Variants in ALPG observed in about 807,000 individuals in gnomAD.
ALPG encodes alkaline phosphatase, germ cell.
In ALPG, 32 loss-of-function variants were observed where a neutral mutation model predicts 48.6. The observed-to-expected ratio is 0.66, with a 90% CI of 0.50 to 0.88. ALPG has a LOEUF of 0.88. Ranked by LOEUF, ALPG falls within the 40% of genes least tolerant of loss-of-function variation. The pLI is 0.00. For synonymous variants in ALPG, 244 were observed against 308.9 expected (o/e 0.79, Z 2.20); for missense variants, 533 against 718.1 (o/e 0.74, Z 2.95).
intron 1 of ALPG, 34 bp downstream of exon 1, chr2:232,406,995 CA>C: frequency 6.2e-7 from 1 of 1,605,022 alleles, no homozygotes; most frequent in Non-Finnish European, 8.5e-7. Context: ...CCTACACACA[CA>C]CACACACACA....
At position 232,407,835 on chromosome 2, in the gene ALPG, T is replaced by A. The variant is rs934677799; in HGVS notation, c.476-10T>A. On this transcript the variant is annotated splice_polypyrimidine_tract_variant and intron_variant, in intron 4 of 10. Coordinates refer to ENST00000295453, the MANE Select transcript of ALPG (RefSeq NM_031313.3). ...CCTCTATCGCATATCCTGACCTCTA[T>A]CACCCTCAGGAAAGTCAGTGGGAGT... The A allele has an allele frequency of 3.7e-6, 6 of 1,613,508 alleles. No homozygotes were observed. In the Admixed American group the frequency reaches 6.7e-5, roughly 18 times the overall value.
At position 232,407,348 on chromosome 2, in the gene ALPG, G is replaced by C; in HGVS notation, c.247G>C (p.Gly83Arg). 3.7e-6 allele frequency: 6 copies of C among 1,613,854 alleles called. 1 individual carries two copies. Among genetic ancestry groups the C allele is most frequent in the Non-Finnish European group, 5.1e-6 (6 of 1,179,984 alleles). ...ILKGQKKDKL[G>R]PETFLAMDRF... ...AAAAGGGCAGAAGAAGGACAAACTG[G>C]GGCCTGAGACCTTCCTGGCCATGGA... Residue 83 changes from glycine (G) to arginine (R), a missense_variant, in exon 3 of 11, where the codon GGG becomes CGG. This residue lies in a region of ALPG where 315 missense variants were observed against 305.8 expected (regional missense o/e 1.03). Coordinates refer to ENST00000295453, the MANE Select transcript of ALPG (RefSeq NM_031313.3).
In ALPG at chr2:232,409,404, T is replaced by C; in HGVS notation, c.1256T>C (p.Val419Ala). Residue 419 changes from valine (V) to alanine (A), a missense_variant, in exon 10 of 11, where the codon GTG becomes GCG. Val to Ala is a moderately conservative substitution (Grantham distance 64). Coordinates refer to ENST00000295453, the MANE Select transcript of ALPG (RefSeq NM_031313.3). ...CTATACGGAAACGGTCCAGGCTATG[T>C]GCTCAAGGACGGCGCCCGGCCGGAT... ...VLLYGNGPGY[V>A]LKDGARPDVT... The C allele has an allele frequency of 6.4e-7, 1 of 1,571,430 alleles. No individual in the cohort carries two copies. The highest frequency in any genetic ancestry group is 1.4e-5 in the African/African-American group (1 of 72,576).
chr2:232,409,677 T>G lies in ALPG; in HGVS notation c.1404T>G (p.Val468=). 1.9e-6 allele frequency: 3 copies of G among 1,611,604 alleles called. No individual in the cohort carries two copies. The highest frequency in any genetic ancestry group is 2.5e-6 in the Non-Finnish European group (3 of 1,179,238). ...VFARGPQAHL[V]HGVQEQTFIA... ...CGCGCGGCCCGCAGGCGCACCTGGTTCACGGCGTGCAGGAGCAGACCTTCA... is the reference window on the plus strand; with the variant it reads ...CGCGCGGCCCGCAGGCGCACCTGGTGCACGGCGTGCAGGAGCAGACCTTCA... Residue 468 remains valine, a synonymous_variant, in exon 11 of 11, where the codon GTT becomes GTG. Coordinates refer to ENST00000295453, the MANE Select transcript of ALPG (RefSeq NM_031313.3).
rs370431153 is a variant in ALPG at position 232,408,522 on chromosome 2, C to T, written c.805C>T (p.Arg269Cys). The stretch of plus-strand genomic sequence containing the variant: ...GCAGGGTGCCCGGTACGTGTGGAAC[C>T]GCACTGAGCTCCTGCAGGCTTCCCT... ...KHQGARYVWN[R>C]TELLQASLDP... The change falls in exon 7 of 11, where the codon CGC becomes TGC. Residue 269 changes from arginine (R) to cysteine (C), a missense_variant. Physicochemically the swap from Arg to Cys is radical, Grantham distance 180. This residue lies in a region of ALPG where 40 missense variants were observed against 74.5 expected (regional missense o/e 0.54). Coordinates refer to ENST00000295453, the MANE Select transcript of ALPG (RefSeq NM_031313.3). 37 of 1,573,322 alleles carry T rather than the reference C, an allele frequency of 2.4e-5. No individual in the cohort carries two copies. Among genetic ancestry groups the T allele is most frequent in the Middle Eastern group, 1.7e-4 (1 of 5,756 alleles).
At position 232,410,230 on chromosome 2, in the gene ALPG, C is replaced by T. The variant is rs1697165139; in HGVS notation, c.*358C>T. 1 of 333,646 alleles carries T rather than the reference C, an allele frequency of 3.0e-6. No individual in the cohort carries two copies. Among genetic ancestry groups the T allele is most frequent in the South Asian group, 5.1e-5 (1 of 19,424 alleles). 20.7% of individuals were successfully genotyped at this position (333,646 alleles called of 1,614,324 possible). A position where few individuals can be genotyped will look rare whatever the true frequency, so the allele number is the denominator to read the frequency against. On this transcript the variant is annotated 3_prime_UTR_variant, in exon 11 of 11. Transcript: ENST00000295453. ...CATGAGGCACCCATACCTAGGACCC[C>T]CTGCGCCTTTTTTAGCTTCAGTCAT...
rs143929583 is a variant in ALPG at position 232,410,162 on chromosome 2, G to A, written c.*290G>A. 8.8e-4 allele frequency: 478 copies of A among 544,126 alleles called. 1 individual carries two copies. In the East Asian group the frequency reaches 0.013, roughly 14 times the overall value. The allele number at this position is 544,126 out of a possible 1,614,324, so 33.7% of individuals were successfully genotyped here. On this transcript the variant is annotated 3_prime_UTR_variant, in exon 11 of 11. Transcript: ENST00000295453. ...AGGAGGCTCAGACCATCCAGCCCCC[G>A]CCCATATCCTGAGGTGGATCAGGCA...
chr2:232,407,502 A>G (rs1230782186), intron 3 of ALPG, 92 bp from the exon 4 acceptor site: 9 of 1,592,506 alleles, frequency 5.7e-6, no homozygotes, highest in Non-Finnish European at 6.8e-6. Flanking sequence ...GGGCTCCAAT[A>G]AGGAGCTGGA....
chr2:232,410,129 AG>A lies in ALPG; in HGVS notation c.*259del, dbSNP rs1697163316. 14 of 605,920 alleles carry A rather than the reference AG, an allele frequency of 2.3e-5. No individual in the cohort carries two copies. The South Asian group carries it at 2.7e-4, about 12-fold the overall frequency. 37.5% of individuals were successfully genotyped at this position (605,920 alleles called of 1,614,324 possible). A position where few individuals can be genotyped will look rare whatever the true frequency, so the allele number is the denominator to read the frequency against. ...TGTGCCTGGCAGCTGCCTGCATTTC[AG>A]GAAAAGAGGAGGCTCAGACCATCCA... On this transcript the variant is annotated 3_prime_UTR_variant, in exon 11 of 11. Coordinates refer to ENST00000295453, the MANE Select transcript of ALPG (RefSeq NM_031313.3).
rs1355430906 is a variant in ALPG at position 232,406,859 on chromosome 2, G to A, written c.-36G>A. 2 of 1,594,556 alleles carry A rather than the reference G, an allele frequency of 1.3e-6. No individual in the cohort carries two copies. Among genetic ancestry groups the A allele is most frequent in the Non-Finnish European group, 1.7e-6 (2 of 1,171,534 alleles). ...AGTGCAGCTCATACTCCATACCTGG[G>A]ATTTCCGCCTCGCCGCTCTCCGACT... On this transcript the variant is annotated 5_prime_UTR_variant, in exon 1 of 11. Coordinates refer to ENST00000295453, the MANE Select transcript of ALPG (RefSeq NM_031313.3).
chr2:232,409,489 C>A, intron 10 of ALPG, 41 bp downstream of exon 10: 1 of 1,604,186 alleles, frequency 6.2e-7, no homozygotes, highest in Non-Finnish European at 8.5e-7. Flanking sequence ...GACCAGGGTG[C>A]CAAGGATGGG....
chr2:232,410,156 G>GCC lies in ALPG; in HGVS notation c.*288_*289dup. The GCC allele has an allele frequency of 1.8e-6, 1 of 556,366 alleles. No individual in the cohort carries two copies. The highest frequency in any genetic ancestry group is 3.1e-5 in the East Asian group (1 of 31,860). 34.5% of individuals were successfully genotyped at this position (556,366 alleles called of 1,614,324 possible). On this transcript the variant is annotated 3_prime_UTR_variant, in exon 11 of 11. Coordinates refer to ENST00000295453, the MANE Select transcript of ALPG (RefSeq NM_031313.3). ...GAAAAGAGGAGGCTCAGACCATCCA[G>GCC]CCCCCGCCCATATCCTGAGGTGGAT... is the stretch of plus-strand genomic sequence containing the variant.
intron 4 of ALPG, 29 bp downstream of exon 4, chr2:232,407,797 GC>G: frequency 1.2e-6 from 2 of 1,613,756 alleles, no homozygotes; most frequent in Non-Finnish European, 1.7e-6. Flanking sequence ...TGGGGTCAGG[GC>G]CAGGTGACAG....
In ALPG at chr2:232,409,603, G is replaced by T. The variant is rs1211902210; in HGVS notation, c.1330G>T (p.Val444Leu). The T allele has an allele frequency of 6.2e-7, 1 of 1,612,812 alleles. No homozygotes were observed. The highest frequency in any genetic ancestry group is 1.1e-5 in the South Asian group (1 of 90,966). The change falls in exon 11 of 11, where the codon GTG becomes TTG. Residue 444 changes from valine (V) to leucine (L), a missense_variant. Physicochemically the swap from Val to Leu is conservative, Grantham distance 32. Around this residue, in one of 6 missense-constraint regions of ALPG, gnomAD observed 145 missense variants for 174.3 expected, o/e 0.83. Transcript: ENST00000295453. ...GSPEYRQQSA[V>L]PLDGETHAGE... Reference sequence around the variant, plus strand: ...CCCCGAGTATCGGCAGCAGTCAGCAGTGCCCCTGGACGGAGAGACCCACGC... The same window carrying T: ...CCCCGAGTATCGGCAGCAGTCAGCATTGCCCCTGGACGGAGAGACCCACGC...
In ALPG at chr2:232,409,564, C is replaced by T. The variant is rs777363157; in HGVS notation, c.1301-10C>T. 9 of 1,612,642 alleles carry T rather than the reference C, an allele frequency of 5.6e-6. No individual in the cohort carries two copies. Among genetic ancestry groups the T allele is most frequent in the Non-Finnish European group, 5.1e-6 (6 of 1,179,478 alleles). On this transcript the variant is annotated splice_polypyrimidine_tract_variant and intron_variant, in intron 10 of 10. Transcript: ENST00000295453. ...TGAAACTTCCTACTGAAACTGAACCCTCCAACCAGGGAGCCCCGAGTATCG... is the reference window on the plus strand; with the variant it reads ...TGAAACTTCCTACTGAAACTGAACCTTCCAACCAGGGAGCCCCGAGTATCG...
Position 232,407,716 on chromosome 2 carries a change from C to A in ALPG, c.423C>A (p.Asn141Lys). The A allele has an allele frequency of 6.2e-7, 1 of 1,613,784 alleles. No individual in the cohort carries two copies. The highest frequency in any genetic ancestry group is 8.5e-7 in the Non-Finnish European group (1 of 1,180,002). ...CAGCCGCCCGCTTTAACCAGTGCAA[C>A]ACGACACGCGGCAACGAGGTCATCT... Reference protein sequence around the residue: ...LSAAARFNQCNTTRGNEVISV... With the variant: ...LSAAARFNQCKTTRGNEVISV... Residue 141 changes from asparagine (N) to lysine (K), a missense_variant, in exon 4 of 11, where the codon AAC becomes AAA. Transcript: ENST00000295453.
intron 5 of ALPG, 54 bp downstream of exon 5, chr2:232,408,071 C>T (rs1697123688): frequency 1.3e-6 from 2 of 1,580,056 alleles, no homozygotes; most frequent in Non-Finnish European, 1.7e-6. Flanking sequence ...AGGGAGGGGG[C>T]ACCAGCTCAG....
intron 5 of ALPG, 121 bp downstream of exon 5, chr2:232,408,138 G>A (rs549298350): frequency 6.4e-7 from 1 of 1,567,072 alleles, no homozygotes; most frequent in African/African-American, 1.4e-5. Flanking sequence ...GGGGTTGGGG[G>A]CGTAGAAGGC....
At position 232,409,457 on chromosome 2, in the gene ALPG, C is replaced by G. The variant is rs747777494; in HGVS notation, c.1300+9C>G. 2.6e-6 allele frequency: 4 copies of G among 1,519,300 alleles called. No individual in the cohort carries two copies. Among genetic ancestry groups the G allele is most frequent in the Non-Finnish European group, 3.6e-6 (4 of 1,105,586 alleles). 94.1% of individuals were successfully genotyped at this position (1,519,300 alleles called of 1,614,324 possible). A position where few individuals can be genotyped will look rare whatever the true frequency, so the allele number is the denominator to read the frequency against. ...TACGGAGAGCGAGAGCGGTGAGTGC[C>G]GTGGGGTGGCCCCCTGAGGGGGACC... On this transcript the variant is annotated intron_variant, in intron 10 of 10. Transcript: ENST00000295453.
Sources: gnomAD v4.1 joint callset for allele counts on GRCh38, gnomAD v4.1.1 for gene constraint, gnomAD v4.1.1 regional missense constraint, MANE v1.5 for transcripts, NCBI Gene and HGNC (gene_info 2026-07-23, HGNC 2026-07-21) for gene names.